AK9: variants seen among roughly 807,000 people sequenced by gnomAD.
AK9 encodes the protein adenylate kinase domain containing 1.
Under a neutral mutation model 239.6 loss-of-function variants are expected in AK9, and 191 were observed. The ratio of observed to expected loss-of-function variants is 0.80; its 90% CI spans 0.71 to 0.90. The LOEUF (loss-of-function observed/expected upper bound fraction) is 0.90. AK9 is among the 40% of genes least tolerant of loss of function. The pLI is 0.00. For synonymous variants in AK9, 689 were observed against 721.0 expected, an observed-to-expected ratio of 0.96 and a Z score of 0.71; for missense variants, 1,995 against 2,214.7, an observed-to-expected ratio of 0.90 and a Z score of 1.99.
Position 109,506,542 on chromosome 6 carries a change from G to A in AK9, c.4634C>T (p.Pro1545Leu), listed in dbSNP as rs1160849856. Reference protein sequence around the residue: ...LLEKENEQRLPYPLHNSAQIV... With the variant: ...LLEKENEQRLLYPLHNSAQIV... The stretch of plus-strand genomic sequence containing the variant: ...TTGTGCACTATTGTGCAATGGATAA[G>A]GCAATCTAATAGGGAAACAGAGAAG... The change falls in exon 35 of 41, where the codon CCT (proline) becomes CTT (leucine). Residue 1545 changes from proline to leucine, a missense_variant. This residue lies in a region of AK9 where 391 missense variants were observed against 456.0 expected (regional missense o/e 0.86). Transcript: ENST00000424296. 5.1e-6 allele frequency: 8 copies of A among 1,579,294 alleles called. No individual in the cohort carries two copies. The highest frequency in any genetic ancestry group is 6.0e-6 in the Non-Finnish European group (7 of 1,159,696).
intron 17 of AK9, among the ~76,000 whole-genome samples, chr6:109,600,667 T>A (rs997907892): frequency 1.3e-5 from 2 of 152,228 alleles, no homozygotes; most frequent in African/African-American, 4.8e-5. Context: ...CAGCTCCTCC[T>A]TGTACCTCTG....
chr6:109,596,159 C>T (rs901436776), intron 17 of AK9, among the ~76,000 whole-genome samples: 12 of 152,110 alleles, frequency 7.9e-5, no homozygotes, highest in East Asian at 3.8e-4. Context: ...TGATCTTTAT[C>T]GTGGGAAGCT....
At position 109,659,665 on chromosome 6, in the gene AK9, T is replaced by C. The variant is rs532182538; in HGVS notation, c.445-252A>G. Among the ~76,000 whole-genome samples the C allele has an allele frequency of 2.6e-5, 4 of 151,988 alleles. No individual in the cohort carries two copies. The East Asian group carries it at 5.8e-4, about 22-fold the overall frequency. On this transcript the variant is annotated intron_variant, in intron 6 of 40. Transcript: ENST00000424296. ...TGAAAAAGTATTACAAGTCTTAAGA[T>C]GAGAAAAGAGGATTGGAAAAGTAGA...
intron 27 of AK9, among the ~76,000 whole-genome samples, chr6:109,534,913 T>A: frequency 6.6e-6 from 1 of 152,182 alleles, no homozygotes; most frequent in East Asian, 1.9e-4. Context: ...GCTTCATCCA[T>A]GTCCCTACAA....
intron 10 of AK9, among the ~76,000 whole-genome samples, chr6:109,641,115 G>C (rs934765866): frequency 2.0e-5 from 3 of 147,164 alleles, no homozygotes; most frequent in Non-Finnish European, 4.5e-5. Flanking sequence ...ACAAATTAAG[G>C]CCACAACATA....
At chr6:109,655,182 G>C (rs1321328) in intron 8 of AK9, among the ~76,000 whole-genome samples, 44,021 of 152,100 alleles carry the variant, frequency 0.29, 6,999 homozygotes, top group Middle Eastern at 0.4. Flanking sequence ...TGGGGTATAA[G>C]AGTTCTTTAC....
At chr6:109,612,868 T>C (rs1341324661) in intron 15 of AK9, among the ~76,000 whole-genome samples, 1 of 150,810 alleles carries the variant, frequency 6.6e-6, no homozygotes, top group African/African-American at 2.4e-5. Context: ...AGTTTATATA[T>C]ATAAACTTAC....
chr6:109,677,670 A>G (rs766051965), intron 1 of AK9, among the ~76,000 whole-genome samples: 6 of 152,240 alleles, frequency 3.9e-5, no homozygotes, highest in Non-Finnish European at 7.3e-5. Flanking sequence ...CTATGCATAA[A>G]TAACTATCAA....
Position 109,527,031 on chromosome 6 carries a change from T to TC in AK9, c.3633+1979dup, listed in dbSNP as rs542956143. Among the ~76,000 whole-genome samples the TC allele has an allele frequency of 1.1e-3, 165 of 152,212 alleles. 1 individual carries two copies. The highest frequency in any genetic ancestry group is 3.7e-3 in the African/African-American group (155 of 41,546). Reference sequence around the variant, plus strand: ...GTAGTCTGACACTGTGCTCACTTGCTCCCCGGGCTTCCTGTCCTGGCCCTC... The same window carrying TC: ...GTAGTCTGACACTGTGCTCACTTGCTCCCCCGGGCTTCCTGTCCTGGCCCTC... On this transcript the variant is annotated intron_variant, in intron 29 of 40. Coordinates refer to ENST00000424296, the MANE Select transcript of AK9 (RefSeq NM_001145128.3).
intron 27 of AK9, among the ~76,000 whole-genome samples, chr6:109,539,149 C>T (rs1236869000): frequency 1.3e-5 from 2 of 152,124 alleles, no homozygotes; most frequent in Non-Finnish European, 2.9e-5. Flanking sequence ...TGAATGTTGG[C>T]CTGCCTTGCT....
At chr6:109,687,501 A>G (rs1235473430) in intron 1 of AK9, among the ~76,000 whole-genome samples, 5 of 152,218 alleles carry the variant, frequency 3.3e-5, no homozygotes, top group Non-Finnish European at 5.9e-5. Flanking sequence ...TTGGCTTGGA[A>G]GAAGTAAGCT....
Position 109,550,220 on chromosome 6 carries a change from A to T in AK9, c.2834T>A (p.Ile945Asn), listed in dbSNP as rs775761909. The T allele has an allele frequency of 2.5e-6, 4 of 1,613,458 alleles. No homozygotes were observed. In the South Asian group the frequency reaches 3.3e-5, roughly 13 times the overall value. ...TTCTTCTGTGTTTCCTGGTTGCAGG[A>T]TGAAGTTTTCTTTGAGGACCACCGG... ...FCPVVLKENFILQPGNTEEAA... is the reference protein window; with the variant it reads ...FCPVVLKENFNLQPGNTEEAA... The change falls in exon 25 of 41, where the codon ATC becomes AAC. Residue 945 changes from isoleucine (I) to asparagine (N), a missense_variant. This residue lies in a region of AK9 where 1,290 missense variants were observed against 1,392.7 expected (regional missense o/e 0.93). Coordinates refer to ENST00000424296, the MANE Select transcript of AK9 (RefSeq NM_001145128.3).
At chr6:109,513,954 C>A (rs1279899705) in intron 32 of AK9, among the ~76,000 whole-genome samples, 1 of 152,170 alleles carries the variant, frequency 6.6e-6, no homozygotes, top group East Asian at 1.9e-4. Context: ...TTCTTCATCT[C>A]CCTGTCCCAT....
At chr6:109,537,824 C>G (rs924275557) in intron 27 of AK9, among the ~76,000 whole-genome samples, 1 of 152,042 alleles carries the variant, frequency 6.6e-6, no homozygotes, top group Non-Finnish European at 1.5e-5. Context: ...TCATTGGTTT[C>G]AAAGAACATC....
intron 8 of AK9, among the ~76,000 whole-genome samples, chr6:109,647,372 C>T (rs1798212738): frequency 6.6e-6 from 1 of 151,740 alleles, no homozygotes; most frequent in Admixed American, 6.6e-5. Context: ...CACATAGGCT[C>T]AAAATAAAGG....
At chr6:109,638,760 T>C (rs541340283) in intron 10 of AK9, among the ~76,000 whole-genome samples, 2 of 152,338 alleles carry the variant, frequency 1.3e-5, no homozygotes, top group South Asian at 4.1e-4. Context: ...CATCAACTTG[T>C]CATTTACATT....
chr6:109,601,788 G>C (rs139522487), intron 17 of AK9, among the ~76,000 whole-genome samples: 2,237 of 152,214 alleles, frequency 0.015, 59 homozygotes, highest in African/African-American at 0.051. Context: ...ATATGTTTAG[G>C]ATAGTTAGCT....
chr6:109,528,428 T>C, intron 29 of AK9: 1 of 396,302 alleles, frequency 2.5e-6, no homozygotes, highest in Non-Finnish European at 5.0e-6. Flanking sequence ...TGTTTGCTGA[T>C]GGACTGAATG....
chr6:109,559,262 G>A (rs1436969856), intron 24 of AK9, among the ~76,000 whole-genome samples: 1 of 151,686 alleles, frequency 6.6e-6, no homozygotes, highest in African/African-American at 2.4e-5. Flanking sequence ...CTGCCTCCCG[G>A]GTTCATGCCA....
Sources: allele counts gnomAD v4.1 joint callset (sites outside exome capture counted in the v4.1 genomes callset), GRCh38; gene constraint gnomAD v4.1.1; regional missense constraint gnomAD v4.1.1; transcripts MANE v1.5; gene names NCBI Gene and HGNC (gene_info 2026-07-23, HGNC 2026-07-21).